The following GRAMD1A variants were observed in gnomAD, a reference collection of about 807,000 sequenced individuals.
GRAMD1A encodes GRAM domain containing 1A.
GRAMD1A carries 50 observed loss-of-function variants against 92.0 expected under a neutral mutation model. The ratio of observed to expected loss-of-function variants is 0.54; its 90% CI spans 0.43 to 0.69. The LOEUF (loss-of-function observed/expected upper bound fraction) is 0.69. GRAMD1A is among the 30% of genes least tolerant of loss of function. The pLI, the probability that GRAMD1A is intolerant of heterozygous loss-of-function variation, is 0.00. For missense variants in GRAMD1A, 819 were observed against 978.9 expected (o/e 0.84, Z 2.18); for synonymous variants, 405 against 403.6 (o/e 1.00, Z -0.04).
intron 1 of GRAMD1A, chr19:35,005,819 A>G: frequency 2.2e-6 from 1 of 454,850 alleles, no homozygotes; most frequent in East Asian, 7.0e-5. Flanking sequence ...GGAGCTGCCC[A>G]GGGGACTGTG....
At chr19:35,022,868 C>G (rs773214451) in intron 16 of GRAMD1A, 32 bp from the exon 17 acceptor site, 34 of 1,601,526 alleles carry the variant, frequency 2.1e-5, no homozygotes, top group Non-Finnish European at 2.9e-5. Flanking sequence ...CGGCGCTCAT[C>G]TCTCTGTCTC....
intron 3 of GRAMD1A, 172 bp downstream of exon 3, chr19:35,009,615 C>T: frequency 1.4e-6 from 1 of 697,994 alleles, no homozygotes; most frequent in South Asian, 1.7e-5. Context: ...AGTTACTTAA[C>T]CTCTCTGGGC....
At chr19:35,023,598 T>A in intron 19 of GRAMD1A, 51 bp downstream of exon 19, 1 of 1,507,876 alleles carries the variant, frequency 6.6e-7, no homozygotes, top group Non-Finnish European at 8.9e-7. Flanking sequence ...TGCAGGGTCC[T>A]GTGTTGAAAC....
At chr19:35,000,022 C>G (rs1003943508), upstream of GRAMD1A, 2 of 984,012 alleles carry the variant, frequency 2.0e-6, no homozygotes, top group Non-Finnish European at 2.4e-6. This position sits in a 1 kb window ranked among gnomAD's most constrained non-coding sequence, Gnocchi z 4.9. Flanking sequence ...TGGCCAGGGG[C>G]ATAGTAGTTG....
chr19:35,021,164 GA>G lies in GRAMD1A; in HGVS notation c.1476-337del, dbSNP rs1157089375. On this transcript the variant is annotated intron_variant, in intron 13 of 19. Coordinates refer to ENST00000317991, the MANE Select transcript of GRAMD1A (RefSeq NM_020895.5). The surrounding 1 kb of genome is among the most constrained non-coding windows in gnomAD (Gnocchi z 5.3). ...GTCTATGTTGAGCTGAGCCCATGTGGAGCTGGGGTGCAGCAGCCGAATGGAA... is the reference window on the plus strand; with the variant it reads ...GTCTATGTTGAGCTGAGCCCATGTGGGCTGGGGTGCAGCAGCCGAATGGAA... Among the ~76,000 whole-genome samples the G allele has an allele frequency of 2.6e-5, 4 of 152,228 alleles. No individual in the cohort carries two copies. The highest frequency in any genetic ancestry group is 5.9e-5 in the Non-Finnish European group (4 of 68,040).
chr19:35,023,541 G>A lies in GRAMD1A; in HGVS notation c.2076G>A (p.Leu692=), dbSNP rs1390018182. 2 of 1,576,988 alleles carry A rather than the reference G, an allele frequency of 1.3e-6. No homozygotes were observed. The highest frequency in any genetic ancestry group is 4.5e-5 in the East Asian group (2 of 44,452). ...TCCTGCGGGCCTCCGTGGAGCTCCT[G>A]GATGAGGTAGGAGGCGCCGCTCGGG... ...RQILRASVEL[L]DEMKFSLEKL... The change falls in exon 19 of 20, where the codon CTG becomes CTA. Residue 692 remains leucine (L), a synonymous_variant. Transcript: ENST00000317991.
At chr19:34,997,122 C>A (rs753383215), upstream of GRAMD1A, among the ~76,000 whole-genome samples, 51 of 151,842 alleles carry the variant, frequency 3.4e-4, no homozygotes, top group Non-Finnish European at 6.6e-4. Flanking sequence ...CCATGTTGCC[C>A]AGGCTGGTCT....
At chr19:35,024,053 C>T (rs1399708474) in intron 19 of GRAMD1A, among the ~76,000 whole-genome samples, 1 of 152,210 alleles carries the variant, frequency 6.6e-6, no homozygotes, top group Non-Finnish European at 1.5e-5. Context: ...AGAGACTCTC[C>T]AAAGGACCTG....
intron 1 of GRAMD1A, 130 bp from the exon 2 acceptor site, chr19:35,008,989 G>T: frequency 1.5e-6 from 1 of 685,478 alleles, no homozygotes; most frequent in Non-Finnish European, 2.7e-6. Flanking sequence ...CTGCTGGGAA[G>T]AGAAACAGGA....
Position 35,019,548 on chromosome 19 carries a change from G to A in GRAMD1A, c.1475+15G>A, listed in dbSNP as rs1207399797. The stretch of plus-strand genomic sequence containing the variant: ...GCGCGGCTCCGGTGAGTGGTGGCTG[G>A]GCCCCTCCACCCGATGCCCTGGTGG... On this transcript the variant is annotated intron_variant, in intron 13 of 19. Transcript: ENST00000317991. 6.2e-7 allele frequency: 1 copy of A among 1,612,940 alleles called. No individual in the cohort carries two copies.
intron 10 of GRAMD1A, 60 bp from the exon 11 acceptor site, chr19:35,015,764 G>T: frequency 1.3e-6 from 2 of 1,543,224 alleles, no homozygotes; most frequent in East Asian, 2.3e-5. Context: ...GGGAGGCGTG[G>T]CCCGCAGAGG....
At chr19:35,025,488 C>G (rs1172876168) in intron 19 of GRAMD1A, among the ~76,000 whole-genome samples, 1 of 152,190 alleles carries the variant, frequency 6.6e-6, no homozygotes, top group African/African-American at 2.4e-5. Flanking sequence ...AAGTGATCCA[C>G]CGGTCTCAGC....
upstream of GRAMD1A, among the ~76,000 whole-genome samples, chr19:34,995,571 G>GT (rs59556577): frequency 8.0e-4 from 75 of 93,672 alleles, 1 homozygote; most frequent in Non-Finnish European, 1.3e-3. Flanking sequence ...CAGATCACGG[G>GT]TTTTTTTTTT....
intron 1 of GRAMD1A, chr19:35,002,670 G>C (rs1488202105): frequency 6.6e-6 from 1 of 152,224 alleles, no homozygotes; most frequent in Admixed American, 6.6e-5. Flanking sequence ...CAAAGTGCTG[G>C]GATTACAGGC....
At position 35,021,869 on chromosome 19, in the gene GRAMD1A, G is replaced by T; in HGVS notation, c.1753+5G>T. The stretch of plus-strand genomic sequence containing the variant: ...GGGCCGGCATTCACACCTCGGGTAC[G>T]TTCCGTTGGGGCCGGGTTGGGGTAG... On this transcript the variant is annotated splice_donor_5th_base_variant and intron_variant, in intron 15 of 19. Coordinates refer to ENST00000317991, the MANE Select transcript of GRAMD1A (RefSeq NM_020895.5). This position sits in a 1 kb window ranked among gnomAD's most constrained non-coding sequence, Gnocchi z 5.3. 1.2e-6 allele frequency: 2 copies of T among 1,604,620 alleles called. No individual in the cohort carries two copies. The highest frequency in any genetic ancestry group is 1.7e-6 in the Non-Finnish European group (2 of 1,174,404).
chr19:35,013,322 A>G lies in GRAMD1A; in HGVS notation c.673A>G (p.Ser225Gly), dbSNP rs1393033909. 2.6e-6 allele frequency: 4 copies of G among 1,554,150 alleles called. No individual in the cohort carries two copies. Among genetic ancestry groups the G allele is most frequent in the Non-Finnish European group, 2.6e-6 (3 of 1,147,906 alleles). The change falls in exon 8 of 20, where the codon AGT becomes GGT. Residue 225 changes from serine (S) to glycine (G), a missense_variant. Ser to Gly is a moderately conservative substitution (Grantham distance 56, BLOSUM62 0). This residue lies in a region of GRAMD1A where 144 missense variants were observed against 220.3 expected (regional missense o/e 0.65). Transcript: ENST00000317991. This position sits in a 1 kb window ranked among gnomAD's most constrained non-coding sequence, Gnocchi z 4.9. ...QCYGSELGLT[S>G]EDEDYVSPLQ... ...CTACGGCTCAGAGCTGGGCCTCACC[A>G]GTGAGGATGAGGACTATGTCTCCCC...
chr19:35,011,987 A>T lies in GRAMD1A; in HGVS notation c.606+433A>T, dbSNP rs376957509. 4.6e-5 allele frequency among the ~76,000 whole-genome samples: 7 copies of T among 152,278 alleles called. No homozygotes were observed. The South Asian group carries it at 1.4e-3, about 32-fold the overall frequency. ...AGCAGGCAGGAGTGCTGAGGGTCCC[A>T]TTCAGCATCCTGAGAGAGGGACAGC... On this transcript the variant is annotated intron_variant, in intron 7 of 19. Transcript: ENST00000317991.
chr19:35,007,374 A>G (rs2014897179), intron 1 of GRAMD1A, among the ~76,000 whole-genome samples: 3 of 152,208 alleles, frequency 2.0e-5, no homozygotes, highest in South Asian at 4.1e-4. Context: ...CCTGGCCAAC[A>G]TGGTGAAACC....
At position 35,021,466 on chromosome 19, in the gene GRAMD1A, G is replaced by T; in HGVS notation, c.1476-36G>T. The T allele has an allele frequency of 6.6e-7, 1 of 1,503,924 alleles. No individual in the cohort carries two copies. The highest frequency in any genetic ancestry group is 1.1e-5 in the South Asian group (1 of 88,818). 93.2% of individuals were successfully genotyped at this position (1,503,924 alleles called of 1,614,324 possible). ...GACGGGGCAGCCAGGGCTGGAGTCA[G>T]ACCCTTACCTCCTTCCCCTGATCTC... On this transcript the variant is annotated intron_variant, in intron 13 of 19. Transcript: ENST00000317991. The surrounding 1 kb of genome is among the most constrained non-coding windows in gnomAD (Gnocchi z 5.3).
Sources: allele counts gnomAD v4.1 joint callset (sites outside exome capture counted in the v4.1 genomes callset), GRCh38; gene constraint gnomAD v4.1.1; regional missense constraint gnomAD v4.1.1; non-coding constraint Gnocchi (gnomAD v3.1); transcripts MANE v1.5; gene names NCBI Gene and HGNC (gene_info 2026-07-23, HGNC 2026-07-21).